ITFG2: variants seen among roughly 807,000 people sequenced by gnomAD.
The protein encoded by ITFG2 is integrin alpha FG-GAP repeat containing 2.
In ITFG2, 36 loss-of-function variants were observed where a neutral mutation model predicts 54.4. That is an observed-to-expected ratio of 0.66 (90% CI 0.51 to 0.87). The LOEUF (loss-of-function observed/expected upper bound fraction) is 0.87, where lower values mean the gene tolerates loss of function less well. ITFG2 is among the 40% of genes least tolerant of loss of function. The pLI, the probability that ITFG2 is intolerant of heterozygous loss-of-function variation, is 0.00. For missense variants in ITFG2, 524 were observed against 576.7 expected, an observed-to-expected ratio of 0.91 and a Z score of 0.94; for synonymous variants, 211 against 225.4, an observed-to-expected ratio of 0.94 and a Z score of 0.57.
chr12:2,849,183 T>C, intron 2 of ITFG2: 1 of 1,491,596 alleles, frequency 6.7e-7, no homozygotes, highest in Non-Finnish European at 8.9e-7. Context: ...TTGAGAACAC[T>C]GGAGCCTGGG....
rs1306690525 is a variant in ITFG2, at chr12:2,846,084, C to T, written n.300+5089C>T. 2.0e-5 allele frequency among the ~76,000 whole-genome samples: 3 copies of T among 152,148 alleles called. No individual in the cohort carries two copies. The East Asian group carries it at 5.8e-4, about 29-fold the overall frequency. ...CTGCCCCGCAGACCCCCATGGCCTG[C>T]TGGAGCTAGGGGGCGCCAGAAGCCT... On this transcript the variant is annotated intron_variant and non_coding_transcript_variant, in intron 2 of 3. Transcript: ENST00000537710.
intron 2 of ITFG2, among the ~76,000 whole-genome samples, chr12:2,847,694 A>T (rs2098057341): frequency 6.6e-6 from 1 of 151,150 alleles, no homozygotes; most frequent in South Asian, 2.1e-4. Flanking sequence ...CCCCAAAAAA[A>T]TCACTGACTC....
In ITFG2 at chr12:2,859,663, C is replaced by G. The variant is rs758750879; in HGVS notation, n.750C>G. 5 of 1,600,504 alleles carry G rather than the reference C, an allele frequency of 3.1e-6. No individual in the cohort carries two copies. The Admixed American group carries it at 8.5e-5, about 27-fold the overall frequency. ...GCTATCCCCTCCTCAGCTAGCAGCA[C>G]CTGAAAGGGAAACAGAGATAAGGTG... On this transcript the variant is annotated non_coding_transcript_exon_variant, in exon 4 of 4. Coordinates refer to the ITFG2 transcript ENST00000537710.
In ITFG2 at chr12:2,821,543, G is replaced by T. The variant is rs1161335565; in HGVS notation, c.794G>T (p.Gly265Val). Residue 265 changes from glycine (G) to valine (V), a missense_variant and splice_region_variant, in exon 8 of 12, where the codon GGC becomes GTC. Transcript: ENST00000228799. ...STHLIGNIKQ[G>V]HGTESSGSGL... is the part of the protein sequence containing the mutation. ...CATATTCTTCCTCTGGTCCTCACAG[G>T]CCACGGCACTGAGAGTAGTGGCTCT... The T allele has an allele frequency of 6.2e-7, 1 of 1,613,972 alleles. No individual in the cohort carries two copies. The highest frequency in any genetic ancestry group is 8.5e-7 in the Non-Finnish European group (1 of 1,180,008).
chr12:2,852,622 C>T (rs1318849843), intron 2 of ITFG2, among the ~76,000 whole-genome samples: 1 of 152,110 alleles, frequency 6.6e-6, no homozygotes, highest in Non-Finnish European at 1.5e-5. Context: ...ACTTCGGCCT[C>T]CCAAAGTGTT....
rs987690706 is a variant in ITFG2 at position 2,845,244 on chromosome 12, G to A, written n.300+4249G>A. On this transcript the variant is annotated intron_variant and non_coding_transcript_variant, in intron 2 of 3. Coordinates refer to the ITFG2 transcript ENST00000537710. The surrounding 1 kb of genome is among the most constrained non-coding windows in gnomAD (Gnocchi z 4.2). ...GAGGGTCGCAGGGAAGCTGGAAAGT[G>A]AGTTGGGTGGGGACTGTCTGCAGAG... Among the ~76,000 whole-genome samples, 13 of 152,202 alleles carry A rather than the reference G, an allele frequency of 8.5e-5. No homozygotes were observed. Among genetic ancestry groups the A allele is most frequent in the African/African-American group, 3.1e-4 (13 of 41,452 alleles).
At chr12:2,821,640 G>T in intron 8 of ITFG2, 44 bp downstream of exon 8, 1 of 1,613,672 alleles carries the variant, frequency 6.2e-7, no homozygotes, top group Non-Finnish European at 8.5e-7. Context: ...ATGCCTGTAG[G>T]GTCTGCTCGG....
chr12:2,834,571 C>T, upstream of ITFG2: 5 of 1,515,208 alleles, frequency 3.3e-6, no homozygotes, highest in Non-Finnish European at 4.4e-6. Flanking sequence ...CTGGTCCTGC[C>T]TCCTGCTCAG....
downstream of ITFG2, chr12:2,827,179 T>C: frequency 6.2e-7 from 1 of 1,613,878 alleles, no homozygotes; most frequent in Non-Finnish European, 8.5e-7. This position sits in a 1 kb window ranked among gnomAD's most constrained non-coding sequence, Gnocchi z 4.0. Context: ...GCAAGGTCTT[T>C]CCCTCTGGGG....
downstream of ITFG2, among the ~76,000 whole-genome samples, chr12:2,829,274 G>A (rs1299721988): frequency 6.7e-6 from 1 of 149,310 alleles, no homozygotes; most frequent in African/African-American, 2.5e-5. Context: ...AACAAAGGAA[G>A]ACAACTTCAC....
chr12:2,847,063 T>C (rs1156747349), intron 2 of ITFG2, among the ~76,000 whole-genome samples: 2 of 152,202 alleles, frequency 1.3e-5, no homozygotes, highest in African/African-American at 2.4e-5. Flanking sequence ...CTTCCAGCTC[T>C]GTGGCTTTGC....
At chr12:2,827,591 G>A (rs4765997), downstream of ITFG2, 17,009 of 1,613,762 alleles carry the variant, frequency 0.011, 105 homozygotes, top group South Asian at 0.012. The surrounding 1 kb of genome is among the most constrained non-coding windows in gnomAD (Gnocchi z 4.0). Context: ...CTTTTTCCCA[G>A]TGCTTTGGGT....
At chr12:2,848,989 C>A (rs748557060) in intron 2 of ITFG2, 1 of 511,542 alleles carries the variant, frequency 2.0e-6, no homozygotes, top group African/African-American at 1.9e-5. Context: ...GCCTCCTGGC[C>A]GCAGTCCTCC....
chr12:2,816,715 C>T (rs2097923057), intron 1 of ITFG2, among the ~76,000 whole-genome samples: 1 of 147,736 alleles, frequency 6.8e-6, no homozygotes, highest in Non-Finnish European at 1.5e-5. Context: ...CTTGCTCACT[C>T]ACTGCAACCT....
At position 2,812,812 on chromosome 12, in the gene ITFG2, C is replaced by G; in HGVS notation, c.52C>G (p.Leu18Val). 6.2e-7 allele frequency: 1 copy of G among 1,613,234 alleles called. No individual in the cohort carries two copies. The highest frequency in any genetic ancestry group is 8.5e-7 in the Non-Finnish European group (1 of 1,179,320). Reference sequence around the variant, plus strand: ...CGTGGCGCTGGAGTTCAGCGGGAGCCTCTTCCCGCACGCAATCTGCCTCGG... The same window carrying G: ...CGTGGCGCTGGAGTTCAGCGGGAGCGTCTTCCCGCACGCAATCTGCCTCGG... ...QRVALEFSGS[L>V]FPHAICLGDV... The change falls in exon 1 of 12, where the codon CTC becomes GTC. Residue 18 changes from leucine (L) to valine (V), a missense_variant. Transcript: ENST00000228799.
chr12:2,824,428 C>CCCT lies in ITFG2; in HGVS notation c.*235_*236insCCT. ...CCATTTCCTTATGGACCTCACCCAT[C>CCCT]ATGCCAGCAGGGTCATAGGACCCTG... On this transcript the variant is annotated 3_prime_UTR_variant, in exon 12 of 12. Coordinates refer to ENST00000228799, the MANE Select transcript of ITFG2 (RefSeq NM_018463.4). 1.8e-6 allele frequency: 1 copy of CCCT among 566,880 alleles called. No individual in the cohort carries two copies. Among genetic ancestry groups the CCCT allele is most frequent in the South Asian group, 1.8e-5 (1 of 56,484 alleles). The allele number at this position is 566,880 out of a possible 1,614,324, so 35.1% of individuals were successfully genotyped here.
Position 2,823,775 on chromosome 12 carries a change from T to A in ITFG2, c.1072T>A (p.Tyr358Asn). The change falls in exon 11 of 12, where the codon TAC (tyrosine) becomes AAC (asparagine). Residue 358 changes from tyrosine to asparagine, a missense_variant. Transcript: ENST00000228799. ...TCCCTGCCAACATCTTCCAGGCCTG[T>A]ACGCCTGCAAAGAGGGCCGCAACAG... Reference protein sequence around the residue: ...ENIRAFCAGLYACKEGRNSPC... With the variant: ...ENIRAFCAGLNACKEGRNSPC... 1 of 1,564,592 alleles carries A rather than the reference T, an allele frequency of 6.4e-7. No individual in the cohort carries two copies. Among genetic ancestry groups the A allele is most frequent in the East Asian group, 2.3e-5 (1 of 44,398 alleles).
chr12:2,840,449 C>G lies in ITFG2; in HGVS notation n.147-393C>G, dbSNP rs1461960267. Among the ~76,000 whole-genome samples, 17 of 136,780 alleles carry G rather than the reference C, an allele frequency of 1.2e-4. No individual in the cohort carries two copies. In the East Asian group the frequency reaches 3.5e-3, roughly 28 times the overall value. 89.7% of individuals were successfully genotyped at this position (136,780 alleles called of 152,430 possible). A position where few individuals can be genotyped will look rare whatever the true frequency, so the allele number is the denominator to read the frequency against. On this transcript the variant is annotated intron_variant and non_coding_transcript_variant, in intron 1 of 3. Coordinates refer to the ITFG2 transcript ENST00000537710. ...CCAGCCTGGGAGACAGAGCGAGACT[C>G]TGTCTCAAAAAAAAAAAAAAGGATT...
chr12:2,852,874 C>T (rs757768449), intron 2 of ITFG2, among the ~76,000 whole-genome samples: 1 of 152,042 alleles, frequency 6.6e-6, no homozygotes, highest in Non-Finnish European at 1.5e-5. Context: ...TGACGGGAGC[C>T]TGTAATCCCA....
Sources: allele counts gnomAD v4.1 joint callset (sites outside exome capture counted in the v4.1 genomes callset), GRCh38; gene constraint gnomAD v4.1.1; non-coding constraint Gnocchi (gnomAD v3.1); transcripts MANE v1.5; gene names NCBI Gene and HGNC (gene_info 2026-07-23, HGNC 2026-07-21).